NPAS3: variants seen among roughly 807,000 people sequenced by gnomAD.
NPAS3 encodes the protein neuronal PAS domain-containing protein 3.
Under a neutral mutation model 73.1 loss-of-function variants are expected in NPAS3, and 14 were observed. The ratio of observed to expected loss-of-function variants is 0.19; its 90% CI spans 0.13 to 0.30. The LOEUF (loss-of-function observed/expected upper bound fraction) is 0.30. Ranked by LOEUF, NPAS3 falls within the 10% of genes least tolerant of loss-of-function variation. The pLI, the probability that NPAS3 is intolerant of heterozygous loss-of-function variation, is 1.00. For missense variants in NPAS3, 1,096 were observed against 1,250.0 expected (o/e 0.88, Z 1.86); for synonymous variants, 620 against 541.5 (o/e 1.14, Z -2.01).
At chr14:33,417,098 A>C (rs1011055880) in intron 4 of NPAS3, among the ~76,000 whole-genome samples, 1 of 152,060 alleles carries the variant, frequency 6.6e-6, no homozygotes, top group Non-Finnish European at 1.5e-5. Flanking sequence ...ATAATTAAGA[A>C]TTCTTTGCAG....
chr14:33,478,875 G>T (rs1295393256), intron 4 of NPAS3, among the ~76,000 whole-genome samples: 3 of 152,060 alleles, frequency 2.0e-5, no homozygotes, highest in African/African-American at 7.2e-5. Context: ...TAATCTCATG[G>T]CCTTGAATTT....
chr14:33,323,122 T>G (rs564233866), intron 3 of NPAS3, among the ~76,000 whole-genome samples: 1 of 144,828 alleles, frequency 6.9e-6, no homozygotes, highest in East Asian at 1.9e-4. Context: ...ACTCAATAAT[T>G]ATTTGTTGAA....
At chr14:33,784,939 G>A (rs1286989455) in intron 9 of NPAS3, among the ~76,000 whole-genome samples, 16 of 150,102 alleles carry the variant, frequency 1.1e-4, no homozygotes, top group Admixed American at 2.0e-4. Flanking sequence ...TAGTAGGGAC[G>A]GAGTTTCTCC....
At chr14:33,470,105 A>G (rs545369805) in intron 4 of NPAS3, among the ~76,000 whole-genome samples, 87 of 152,286 alleles carry the variant, frequency 5.7e-4, no homozygotes, top group Non-Finnish European at 1.0e-3. Flanking sequence ...TGGCCTCCTC[A>G]CAGCATGGTG....
intron 3 of NPAS3, among the ~76,000 whole-genome samples, chr14:33,249,447 T>C (rs896950798): frequency 2.0e-5 from 3 of 152,068 alleles, no homozygotes; most frequent in Non-Finnish European, 4.4e-5. Flanking sequence ...GCCATATTTA[T>C]TCATTAGAAT....
chr14:33,795,227 TAAA>T (rs1372522689), intron 10 of NPAS3, among the ~76,000 whole-genome samples: 1 of 152,212 alleles, frequency 6.6e-6, no homozygotes, highest in African/African-American at 2.4e-5. Flanking sequence ...GTGCACCACT[TAAA>T]AGAGTCTTCA....
In NPAS3 at chr14:33,448,882, G is replaced by A. The variant is rs191631570; in HGVS notation, c.468+81614G>A. ...TGAGTGAGCAGGCCAAAATCTGTCT[G>A]CACCAGATGCCAGCCAGGTCCAAGA... On this transcript the variant is annotated intron_variant, in intron 4 of 11. Coordinates refer to ENST00000356141, the Ensembl canonical transcript of NPAS3. Among the ~76,000 whole-genome samples, 27 of 152,262 alleles carry A rather than the reference G, an allele frequency of 1.8e-4. No individual in the cohort carries two copies. The East Asian group carries it at 5.0e-3, about 28-fold the overall frequency.
chr14:33,617,863 A>G (rs1317780637), intron 5 of NPAS3, among the ~76,000 whole-genome samples: 1 of 152,086 alleles, frequency 6.6e-6, no homozygotes, highest in Non-Finnish European at 1.5e-5. Flanking sequence ...AGTCTTTGCC[A>G]TTTCACTTCT....
chr14:33,369,606 C>A (rs2045999305), intron 4 of NPAS3, among the ~76,000 whole-genome samples: 1 of 133,732 alleles, frequency 7.5e-6, no homozygotes, highest in Non-Finnish European at 1.7e-5. Flanking sequence ...AAGATGCTTT[C>A]AAGAAAGGCA....
At chr14:33,050,968 G>C (rs1353909745) in intron 1 of NPAS3, among the ~76,000 whole-genome samples, 2 of 152,184 alleles carry the variant, frequency 1.3e-5, no homozygotes, top group Admixed American at 1.3e-4. Flanking sequence ...ACATGAGGAA[G>C]CTGAGGTTAA....
At chr14:33,582,925 T>A (rs958117857) in intron 5 of NPAS3, among the ~76,000 whole-genome samples, 3 of 150,186 alleles carry the variant, frequency 2.0e-5, no homozygotes, top group African/African-American at 4.9e-5. Flanking sequence ...AATACATAGA[T>A]ATTTCTTCAC....
chr14:33,589,192 T>A (rs991044618), intron 5 of NPAS3, among the ~76,000 whole-genome samples: 3 of 152,224 alleles, frequency 2.0e-5, no homozygotes, highest in Non-Finnish European at 2.9e-5. Flanking sequence ...CAGTTCTGTT[T>A]TCCTTTATGT....
intron 5 of NPAS3, among the ~76,000 whole-genome samples, chr14:33,576,609 TAAAAC>T (rs952467392): frequency 1.4e-4 from 21 of 152,266 alleles, no homozygotes; most frequent in African/African-American, 4.6e-4. Context: ...TCTCAATAAA[TAAAAC>T]AAAAAATTGA....
chr14:33,680,933 A>G, intron 6 of NPAS3: 3 of 394,124 alleles, frequency 7.6e-6, no homozygotes, highest in Non-Finnish European at 9.0e-6. Flanking sequence ...TTATAGTAGT[A>G]TGATTTTTAT....
At chr14:33,174,212 A>G (rs1000066713) in intron 2 of NPAS3, among the ~76,000 whole-genome samples, 11 of 152,152 alleles carry the variant, frequency 7.2e-5, no homozygotes, top group Non-Finnish European at 1.3e-4. Context: ...CCGTTTAGCC[A>G]TCTATGACTT....
chr14:33,199,948 G>A (rs1421591756), intron 2 of NPAS3, among the ~76,000 whole-genome samples: 1 of 151,914 alleles, frequency 6.6e-6, no homozygotes, highest in Non-Finnish European at 1.5e-5. Flanking sequence ...CAACATTATT[G>A]CACTAATAAA....
At chr14:33,081,524 T>C (rs763663870) in intron 2 of NPAS3, among the ~76,000 whole-genome samples, 8 of 152,226 alleles carry the variant, frequency 5.3e-5, no homozygotes, top group Non-Finnish European at 1.0e-4. Context: ...TTATTTTGTG[T>C]AAATAGAGAC....
chr14:33,053,084 A>G (rs2040766944), intron 1 of NPAS3, among the ~76,000 whole-genome samples: 2 of 152,198 alleles, frequency 1.3e-5, no homozygotes, highest in African/African-American at 4.8e-5. Flanking sequence ...TTAAGGCGTC[A>G]TCTGTTCTTG....
chr14:33,124,169 A>G (rs1156763992), intron 2 of NPAS3, among the ~76,000 whole-genome samples: 1 of 152,022 alleles, frequency 6.6e-6, no homozygotes, highest in Non-Finnish European at 1.5e-5. Flanking sequence ...GAAGTTTTAT[A>G]GAGGAAAGAT....
Sources: allele counts gnomAD v4.1 joint callset (sites outside exome capture counted in the v4.1 genomes callset), GRCh38; gene constraint gnomAD v4.1.1; transcripts MANE v1.5; gene names NCBI Gene and HGNC (gene_info 2026-07-23, HGNC 2026-07-21).